Variants in TBCK observed in about 807,000 individuals in gnomAD.
The protein encoded by TBCK is TBC1 domain containing kinase, also known as TBC domain-containing protein kinase-like protein.
A neutral mutation model predicts 113.4 loss-of-function variants in TBCK; 99 were observed. That is an observed-to-expected ratio of 0.87 (90% confidence interval 0.74 to 1.03). The LOEUF is 1.03. Among genes scored for constraint, TBCK ranks in the 50% least tolerant of loss-of-function variants. The probability of loss-of-function intolerance (pLI) is 0.00; values close to 1 mark genes in which losing one functional copy is unlikely to be tolerated. For missense variants in TBCK, 1,045 were observed against 1,061.3 expected, an observed-to-expected ratio of 0.98 and a Z score of 0.21; for synonymous variants, 369 against 370.8, an observed-to-expected ratio of 1.00 and a Z score of 0.05.
chr4:106,195,850 A>C (rs1648843546), intron 20 of TBCK, among the ~76,000 whole-genome samples: 1 of 152,012 alleles, frequency 6.6e-6, no homozygotes, highest in South Asian at 2.1e-4. Flanking sequence ...CTCAGCCTCC[A>C]TAAATGTGTG....
intron 19 of TBCK, among the ~76,000 whole-genome samples, chr4:106,224,480 TG>T (rs1347748875): frequency 1.3e-5 from 2 of 152,172 alleles, no homozygotes; most frequent in Admixed American, 1.3e-4. Context: ...GAGAAGAAAG[TG>T]TACATGTGAT....
intron 20 of TBCK, among the ~76,000 whole-genome samples, chr4:106,200,143 G>T (rs1397530771): frequency 6.6e-6 from 1 of 152,200 alleles, no homozygotes; most frequent in Non-Finnish European, 1.5e-5. Context: ...CAGGGCTGTA[G>T]CAACTGCTGC....
chr4:106,193,703 T>C lies in TBCK; in HGVS notation c.1965A>G (p.Pro655=). The C allele has an allele frequency of 6.2e-7, 1 of 1,612,182 alleles. No homozygotes were observed. Among genetic ancestry groups the C allele is most frequent in the Non-Finnish European group, 8.5e-7 (1 of 1,179,254 alleles). The change falls in exon 22 of 26, where the codon CCA becomes CCG. Residue 655 remains proline (P), a synonymous_variant. Transcript: ENST00000394708. ...DTLLLGNSSF[P]FCIGVAILQQ... Reference sequence around the variant, plus strand: ...GAAGAATTGCTACTCCAATACAGAATGGGAAAGAGGAATTCCCAAGTAGTA... The same window carrying C: ...GAAGAATTGCTACTCCAATACAGAACGGGAAAGAGGAATTCCCAAGTAGTA...
chr4:106,233,856 T>C (rs1191411023), intron 15 of TBCK, among the ~76,000 whole-genome samples: 1 of 152,072 alleles, frequency 6.6e-6, no homozygotes, highest in East Asian at 1.9e-4. Flanking sequence ...AAGTGACAAT[T>C]TGCCATTTTG....
At chr4:106,236,732 A>G in intron 13 of TBCK, 27 bp downstream of exon 13, 1 of 1,320,736 alleles carries the variant, frequency 7.6e-7, no homozygotes, top group Non-Finnish European at 1.0e-6. Flanking sequence ...AGAAAAATAA[A>G]TCTAAAATGA....
At chr4:106,205,771 AC>A (rs1755427879) in intron 20 of TBCK, among the ~76,000 whole-genome samples, 4 of 148,314 alleles carry the variant, frequency 2.7e-5, no homozygotes, top group African/African-American at 7.3e-5. Flanking sequence ...CAAAAAAAAA[AC>A]AACAAAAAAA....
intron 5 of TBCK, among the ~76,000 whole-genome samples, chr4:106,257,160 G>T (rs906596065): frequency 7.2e-5 from 11 of 152,116 alleles, no homozygotes; most frequent in Admixed American, 1.3e-4. Flanking sequence ...GAATCCCAGT[G>T]CCTAGAAATA....
At chr4:106,256,353 C>A (rs2150079951) in intron 5 of TBCK, among the ~76,000 whole-genome samples, 2 of 152,302 alleles carry the variant, frequency 1.3e-5, no homozygotes, top group Non-Finnish European at 2.9e-5. Flanking sequence ...CTGCCCTCAG[C>A]CCCCCTTCAG....
chr4:106,078,828 T>C (rs1738527999), intron 25 of TBCK, among the ~76,000 whole-genome samples: 1 of 151,566 alleles, frequency 6.6e-6, no homozygotes, highest in Non-Finnish European at 1.5e-5. Flanking sequence ...CTGGCAGAGA[T>C]ACAATGAAAA....
At chr4:106,165,204 C>A (rs1244504522) in intron 23 of TBCK, among the ~76,000 whole-genome samples, 1 of 151,642 alleles carries the variant, frequency 6.6e-6, no homozygotes, top group East Asian at 1.9e-4. Context: ...AATCTATTAA[C>A]CAAGATTACA....
intron 24 of TBCK, among the ~76,000 whole-genome samples, chr4:106,112,591 G>C (rs1372883791): frequency 1.3e-5 from 2 of 152,126 alleles, no homozygotes; most frequent in African/African-American, 4.8e-5. Flanking sequence ...TAGTGAGTCT[G>C]CTTACTCTGT....
chr4:106,160,625 A>C (rs1381153913), intron 23 of TBCK, among the ~76,000 whole-genome samples: 1 of 152,064 alleles, frequency 6.6e-6, no homozygotes. Context: ...AGTGTTCGCA[A>C]GTTTGAGAAG....
intron 2 of TBCK, among the ~76,000 whole-genome samples, chr4:106,296,272 A>G (rs566414109): frequency 5.4e-4 from 83 of 152,312 alleles, no homozygotes; most frequent in African/African-American, 1.9e-3. Context: ...GGTTCAAAAG[A>G]AGTTGGAGTG....
intron 20 of TBCK, among the ~76,000 whole-genome samples, chr4:106,200,618 A>T (rs1317774156): frequency 5.9e-5 from 9 of 151,732 alleles, no homozygotes; most frequent in Admixed American, 4.6e-4. Context: ...TTTTTTTTTT[A>T]AATTAGAACT....
intron 25 of TBCK, among the ~76,000 whole-genome samples, chr4:106,078,647 T>C (rs1178684378): frequency 6.6e-6 from 1 of 150,902 alleles, no homozygotes; most frequent in Non-Finnish European, 1.5e-5. Flanking sequence ...ATAAAAAGCC[T>C]ACCAACCAAA....
intron 19 of TBCK, among the ~76,000 whole-genome samples, chr4:106,226,217 T>A (rs561661497): frequency 6.6e-6 from 1 of 152,306 alleles, no homozygotes; most frequent in South Asian, 2.1e-4. Context: ...TTTGTCTTTT[T>A]CATATTGGAA....
intron 22 of TBCK, among the ~76,000 whole-genome samples, chr4:106,177,546 T>G (rs572053545): frequency 6.6e-6 from 1 of 152,104 alleles, no homozygotes; most frequent in African/African-American, 2.4e-5. Flanking sequence ...AGTCTGCATA[T>G]GGAGATACAG....
In TBCK at chr4:106,248,188, C is replaced by A. The variant is rs1761042766; in HGVS notation, c.782+57G>T. 1.2e-5 allele frequency: 15 copies of A among 1,225,742 alleles called. No homozygotes were observed. In the South Asian group the frequency reaches 1.4e-4, roughly 11 times the overall value. 75.9% of individuals were successfully genotyped at this position (1,225,742 alleles called of 1,614,324 possible). A position where few individuals can be genotyped will look rare whatever the true frequency, so the allele number is the denominator to read the frequency against. On this transcript the variant is annotated intron_variant, in intron 9 of 25. Transcript: ENST00000394708. ...CCATTATATTAAAACAAGAAAAAAA[C>A]CAATTGCTTATGCGTAAAGGATCTC...
intron 19 of TBCK, chr4:106,213,552 T>C (rs568665192): frequency 6.9e-4 from 107 of 154,248 alleles, no homozygotes; most frequent in Non-Finnish European, 1.2e-3. Context: ...ATTGCCTCAC[T>C]CGGGAAGCGC....
Sources: gnomAD v4.1 joint callset for allele counts (sites outside exome capture counted in the v4.1 genomes callset) on GRCh38, gnomAD v4.1.1 for gene constraint, MANE v1.5 for transcripts, NCBI Gene and HGNC (gene_info 2026-07-23, HGNC 2026-07-21) for gene names.